PTBP2: variants seen among roughly 807,000 people sequenced by gnomAD.
PTBP2 encodes polypyrimidine tract-binding protein 2.
A neutral mutation model predicts 61.4 loss-of-function variants in PTBP2; 13 were observed. The ratio of observed to expected loss-of-function variants is 0.21; its 90% CI spans 0.14 to 0.34. The LOEUF (loss-of-function observed/expected upper bound fraction) is 0.34. Ranked by LOEUF, PTBP2 falls within the 10% of genes least tolerant of loss-of-function variation. PTBP2 has a pLI of 1.00. For synonymous variants in PTBP2, 215 were observed against 218.5 expected, an observed-to-expected ratio of 0.98 and a Z score of 0.14; for missense variants, 405 against 642.6, an observed-to-expected ratio of 0.63 and a Z score of 4.00.
intron 3 of PTBP2, among the ~76,000 whole-genome samples, chr1:96,761,275 C>T (rs186019704): frequency 6.6e-6 from 1 of 151,340 alleles, no homozygotes; most frequent in African/African-American, 2.4e-5. Flanking sequence ...TTGTGTCTTG[C>T]TGTAATGAGA....
At chr1:96,777,350 A>G (rs1489066851) in intron 5 of PTBP2, among the ~76,000 whole-genome samples, 1 of 152,174 alleles carries the variant, frequency 6.6e-6, no homozygotes, top group Non-Finnish European at 1.5e-5. Flanking sequence ...TGCATGTTCA[A>G]CATTGATCCC....
intron 7 of PTBP2, 58 bp downstream of exon 7, chr1:96,778,004 T>C: frequency 3.5e-6 from 3 of 854,676 alleles, no homozygotes; most frequent in Admixed American, 2.5e-5. Context: ...TGTAGAAAAA[T>C]ATATATATAT....
At position 96,777,934 on chromosome 1, in the gene PTBP2, A is replaced by G; in HGVS notation, c.696A>G (p.Gln232=). The G allele has an allele frequency of 6.5e-7, 1 of 1,549,176 alleles. No individual in the cohort carries two copies. The highest frequency in any genetic ancestry group is 8.8e-7 in the Non-Finnish European group (1 of 1,142,680). ...LLQYGDPVNA[Q]QAKLALDGQN... The stretch of plus-strand genomic sequence containing the variant: ...AGTATGGTGATCCAGTAAATGCTCA[A>G]CAAGCAAAACTAGTAAGTCTTTCTT... Residue 232 remains glutamine (Q), a synonymous_variant, in exon 7 of 14, where the codon CAA becomes CAG. Coordinates refer to ENST00000674951, the MANE Select transcript of PTBP2 (RefSeq NM_021190.4).
chr1:96,764,076 G>C (rs1296409916), intron 3 of PTBP2, among the ~76,000 whole-genome samples: 2 of 152,148 alleles, frequency 1.3e-5, no homozygotes, highest in African/African-American at 4.8e-5. Context: ...TCTTGTAATA[G>C]ATTTTACTGT....
At chr1:96,761,346 ATGTGTGTGTGTGTG>A (rs57451223) in intron 3 of PTBP2, among the ~76,000 whole-genome samples, 5,958 of 140,542 alleles carry the variant, frequency 0.042, 367 homozygotes, top group African/African-American at 0.14. Flanking sequence ...GTGGGATTTG[ATGTGTGTGTGTGTG>A]TGTGTGTGTG....
intron 8 of PTBP2, among the ~76,000 whole-genome samples, chr1:96,794,486 A>G (rs1158774728): frequency 6.6e-6 from 1 of 152,244 alleles, no homozygotes; most frequent in East Asian, 1.9e-4. Context: ...GAAGATTTTC[A>G]CTAGCAGCTC....
exon 14 of PTBP2, chr1:96,822,587 T>G (rs570890138): frequency 2.6e-5 from 4 of 152,338 alleles, no homozygotes; most frequent in African/African-American, 9.6e-5. Context: ...TTGAATTGAT[T>G]TAGTTTTTGT....
chr1:96,777,610 T>C lies in PTBP2; in HGVS notation c.458T>C (p.Val153Ala). The C allele has an allele frequency of 2.5e-6, 4 of 1,610,718 alleles. No homozygotes were observed. The highest frequency in any genetic ancestry group is 3.4e-6 in the Non-Finnish European group (4 of 1,178,738). The change falls in exon 6 of 14, where the codon GTG (valine) becomes GCG (alanine). Residue 153 changes from valine to alanine, a missense_variant. Around this residue, in one of 4 missense-constraint regions of PTBP2, gnomAD observed 342 missense variants for 491.2 expected, o/e 0.70. Coordinates refer to ENST00000674951, the MANE Select transcript of PTBP2 (RefSeq NM_021190.4). ...NQRAQAVLQA[V>A]TAVQTANTPL... ...CGTGCTCAGGCAGTTCTTCAAGCTGTGACAGCTGTCCAGACAGCAAATACT... is the reference window on the plus strand; with the variant it reads ...CGTGCTCAGGCAGTTCTTCAAGCTGCGACAGCTGTCCAGACAGCAAATACT...
At chr1:96,789,397 T>G (rs974144997) in intron 8 of PTBP2, among the ~76,000 whole-genome samples, 19 of 152,078 alleles carry the variant, frequency 1.2e-4, no homozygotes, top group African/African-American at 4.6e-4. Flanking sequence ...GTCACCAGAT[T>G]CTACCCCAGG....
chr1:96,786,186 A>G (rs970696329), intron 8 of PTBP2, among the ~76,000 whole-genome samples: 7 of 152,206 alleles, frequency 4.6e-5, no homozygotes, highest in African/African-American at 1.7e-4. Flanking sequence ...ACTTCCCAAT[A>G]TATAACAGTC....
At chr1:96,753,523 A>G (rs142568502) in intron 3 of PTBP2, among the ~76,000 whole-genome samples, 71 of 152,228 alleles carry the variant, frequency 4.7e-4, no homozygotes, top group African/African-American at 1.6e-3. Context: ...TCCTGCAACT[A>G]TCTTCCATAA....
At chr1:96,765,509 G>A (rs895732970) in intron 3 of PTBP2, among the ~76,000 whole-genome samples, 6 of 152,090 alleles carry the variant, frequency 3.9e-5, no homozygotes, top group African/African-American at 9.7e-5. Flanking sequence ...CCAGGAGTTC[G>A]AGACCAGCCT....
At chr1:96,763,452 C>A (rs1656268212) in intron 3 of PTBP2, among the ~76,000 whole-genome samples, 2 of 149,594 alleles carry the variant, frequency 1.3e-5, no homozygotes, top group Non-Finnish European at 3.0e-5. Flanking sequence ...GCGGCGCGTG[C>A]CTGCAATAGC....
At chr1:96,732,348 CTA>C (rs1189885674) in intron 2 of PTBP2, among the ~76,000 whole-genome samples, 3 of 152,054 alleles carry the variant, frequency 2.0e-5, no homozygotes, top group Non-Finnish European at 2.9e-5. Flanking sequence ...AATGCTTTCT[CTA>C]GGGTATTTTT....
At chr1:96,754,187 C>T (rs1654899224) in intron 3 of PTBP2, among the ~76,000 whole-genome samples, 3 of 151,928 alleles carry the variant, frequency 2.0e-5, no homozygotes, top group Non-Finnish European at 2.9e-5. Flanking sequence ...ACCAACACCT[C>T]GTATTAAAGG....
At chr1:96,748,039 T>G (rs1654071446) in intron 2 of PTBP2, among the ~76,000 whole-genome samples, 1 of 152,160 alleles carries the variant, frequency 6.6e-6, no homozygotes, top group African/African-American at 2.4e-5. Context: ...TGGTGGCACC[T>G]CTGTTTAAGG....
Position 96,804,839 on chromosome 1 carries a change from C to G in PTBP2, c.944C>G (p.Ala315Gly). The change falls in exon 9 of 14, where the codon GCT becomes GGT. Residue 315 changes from alanine to glycine, a missense_variant. Transcript: ENST00000674951. ...CTGAGTCCTTTGGCCATTCCAAATG[C>G]TGCTGCAGCAGCTGCTGCAGCTGCT... Reference protein sequence around the residue: ...GALSPLAIPNAAAAAAAAAAG... With the variant: ...GALSPLAIPNGAAAAAAAAAG... 1 of 1,611,648 alleles carries G rather than the reference C, an allele frequency of 6.2e-7. No homozygotes were observed. The highest frequency in any genetic ancestry group is 8.5e-7 in the Non-Finnish European group (1 of 1,178,228).
chr1:96,774,836 ACTT>A (rs1358648675), intron 5 of PTBP2, among the ~76,000 whole-genome samples: 2 of 152,058 alleles, frequency 1.3e-5, no homozygotes, highest in African/African-American at 4.8e-5. Flanking sequence ...TGAGCTTACT[ACTT>A]TTTGTCTTGT....
At chr1:96,731,720 C>CT (rs1248509517) in intron 2 of PTBP2, among the ~76,000 whole-genome samples, 1 of 151,796 alleles carries the variant, frequency 6.6e-6, no homozygotes, top group Non-Finnish European at 1.5e-5. Flanking sequence ...TGATTTTAGA[C>CT]TTTTTTTTGT....
Sources: allele counts gnomAD v4.1 joint callset (sites outside exome capture counted in the v4.1 genomes callset), GRCh38; gene constraint gnomAD v4.1.1; regional missense constraint gnomAD v4.1.1; transcripts MANE v1.5; gene names NCBI Gene and HGNC (gene_info 2026-07-23, HGNC 2026-07-21).